Variants in STIM2 observed in about 807,000 individuals in gnomAD.
STIM2 encodes the protein stromal interaction molecule 2.
Under a neutral mutation model 85.8 loss-of-function variants are expected in STIM2, and 31 were observed. The ratio of observed to expected loss-of-function variants is 0.36; its 90% CI spans 0.27 to 0.49. The LOEUF (loss-of-function observed/expected upper bound fraction) is 0.49. Among genes scored for constraint, STIM2 ranks in the 20% least tolerant of loss-of-function variants. STIM2 has a pLI of 0.98. For missense variants in STIM2, 841 were observed against 927.6 expected, an observed-to-expected ratio of 0.91 and a Z score of 1.21; for synonymous variants, 356 against 331.1, an observed-to-expected ratio of 1.08 and a Z score of -0.82.
intron 1 of STIM2, among the ~76,000 whole-genome samples, chr4:26,880,600 C>CATATATATAAAAATATATATGTAAAT (rs1560192447): frequency 1.0e-5 from 1 of 95,706 alleles, no homozygotes; most frequent in Admixed American, 1.1e-4. Context: ...CATAAACCTT[C>CATATATATAAAAATATATATGTAAAT]ATATATATAA....
At chr4:26,959,427 T>G (rs543264705) in intron 3 of STIM2, among the ~76,000 whole-genome samples, 1 of 151,428 alleles carries the variant, frequency 6.6e-6, no homozygotes, top group Non-Finnish European at 1.5e-5. Context: ...CTTTTACTCA[T>G]TTTTTTTTCT....
At chr4:26,887,255 G>A (rs1449602182) in intron 1 of STIM2, among the ~76,000 whole-genome samples, 2 of 132,708 alleles carry the variant, frequency 1.5e-5, no homozygotes, top group Non-Finnish European at 3.2e-5. Flanking sequence ...ATTTATTTGA[G>A]CTTTTTTTCT....
At chr4:26,872,871 G>A (rs1360316830) in intron 1 of STIM2, among the ~76,000 whole-genome samples, 1 of 152,218 alleles carries the variant, frequency 6.6e-6, no homozygotes, top group Non-Finnish European at 1.5e-5. Flanking sequence ...CACATTTAAG[G>A]TGGCATCTTG....
At chr4:26,910,023 G>A (rs1724273532) in intron 1 of STIM2, among the ~76,000 whole-genome samples, 1 of 152,164 alleles carries the variant, frequency 6.6e-6, no homozygotes, top group Non-Finnish European at 1.5e-5. Context: ...ATATATGTGT[G>A]TACCCAAATC....
intron 1 of STIM2, among the ~76,000 whole-genome samples, chr4:26,912,084 A>G (rs960346360): frequency 6.6e-6 from 1 of 152,250 alleles, no homozygotes; most frequent in Admixed American, 6.5e-5. Flanking sequence ...CTCACGTTGA[A>G]TATTTGAAGT....
chr4:27,012,679 C>A (rs1256384098), intron 10 of STIM2, among the ~76,000 whole-genome samples: 2 of 151,882 alleles, frequency 1.3e-5, no homozygotes, highest in African/African-American at 2.4e-5. Context: ...CAAGCTAAGA[C>A]CTCCAGTAAA....
chr4:27,017,107 G>A (rs1728756802), intron 10 of STIM2, among the ~76,000 whole-genome samples: 1 of 152,184 alleles, frequency 6.6e-6, no homozygotes, highest in South Asian at 2.1e-4. Flanking sequence ...TGTAGGGGAA[G>A]TTTGTTTACC....
At chr4:26,893,535 T>A (rs1234122435) in intron 1 of STIM2, among the ~76,000 whole-genome samples, 1 of 152,252 alleles carries the variant, frequency 6.6e-6, no homozygotes, top group Admixed American at 6.5e-5. Context: ...TTGAATACAC[T>A]GTAGTTTATC....
intron 1 of STIM2, chr4:26,861,587 T>C: frequency 5.4e-6 from 3 of 557,908 alleles, no homozygotes; most frequent in Non-Finnish European, 7.8e-6. Flanking sequence ...TCGACGGCAC[T>C]GATTCCCCTC....
intron 3 of STIM2, among the ~76,000 whole-genome samples, chr4:26,980,321 A>G (rs1176574593): frequency 1.3e-5 from 2 of 152,214 alleles, no homozygotes; most frequent in Non-Finnish European, 2.9e-5. Context: ...TGCATATCAC[A>G]TCAAGTATAA....
At chr4:26,967,451 A>T (rs145566283) in intron 3 of STIM2, among the ~76,000 whole-genome samples, 4 of 152,342 alleles carry the variant, frequency 2.6e-5, no homozygotes, top group Admixed American at 2.0e-4. Context: ...GCACAGTGTC[A>T]TGAGCATCTA....
At chr4:26,979,097 G>A (rs4692018) in intron 3 of STIM2, among the ~76,000 whole-genome samples, 149,559 of 152,316 alleles carry the variant, frequency 0.98, 73,437 homozygotes, top group East Asian at 1. Flanking sequence ...ATGAGCTAAT[G>A]TAACTCTCAC....
At chr4:26,888,112 T>A (rs905368466) in intron 1 of STIM2, among the ~76,000 whole-genome samples, 6 of 152,234 alleles carry the variant, frequency 3.9e-5, no homozygotes, top group Admixed American at 2.6e-4. Context: ...CAAAATACCA[T>A]CACAGTAGCA....
intron 3 of STIM2, among the ~76,000 whole-genome samples, chr4:26,987,821 T>G: frequency 6.6e-6 from 1 of 152,244 alleles, no homozygotes; most frequent in South Asian, 2.1e-4. Flanking sequence ...ATGTTTAACT[T>G]TGGCATTACT....
rs1722146618 is a variant in STIM2, at chr4:26,860,953, A to G, written c.-266A>G. Reference sequence around the variant, plus strand: ...TTTTTTTTTTTTTTTAAATAACCGGAACCAATGAACGCAGCCGGGATCAGA... The same window carrying G: ...TTTTTTTTTTTTTTTAAATAACCGGGACCAATGAACGCAGCCGGGATCAGA... On this transcript the variant is annotated 5_prime_UTR_variant, in exon 1 of 12. Coordinates refer to ENST00000467087, the MANE Select transcript of STIM2 (RefSeq NM_020860.4). 1 of 1,225,182 alleles carries G rather than the reference A, an allele frequency of 8.2e-7. No homozygotes were observed. Among genetic ancestry groups the G allele is most frequent in the South Asian group, 1.5e-5 (1 of 65,772 alleles). 75.9% of individuals were successfully genotyped at this position (1,225,182 alleles called of 1,614,324 possible).
chr4:26,993,051 A>G (rs2109123569), intron 3 of STIM2, among the ~76,000 whole-genome samples: 1 of 152,180 alleles, frequency 6.6e-6, no homozygotes, highest in Admixed American at 6.6e-5. Context: ...TAGATCAGGA[A>G]TTTTCACTGT....
At chr4:26,861,521 C>T (rs902594651) in intron 1 of STIM2, 152 bp downstream of exon 1, 44 of 1,157,050 alleles carry the variant, frequency 3.8e-5, no homozygotes, top group Non-Finnish European at 4.3e-5. Flanking sequence ...GTCGCGGTCC[C>T]CTGCACTCCG....
chr4:26,952,678 A>T (rs1339283084), intron 2 of STIM2, among the ~76,000 whole-genome samples: 1 of 152,082 alleles, frequency 6.6e-6, no homozygotes, highest in Non-Finnish European at 1.5e-5. Context: ...ACACTGTGCT[A>T]TCTGTTTGAT....
At chr4:27,007,186 C>T (rs928715567) in intron 7 of STIM2, among the ~76,000 whole-genome samples, 63 of 151,864 alleles carry the variant, frequency 4.1e-4, no homozygotes, top group African/African-American at 1.4e-3. Flanking sequence ...ACTTTTTTTT[C>T]CCCCTCAGTG....
Sources: gnomAD v4.1 joint callset for allele counts (sites outside exome capture counted in the v4.1 genomes callset) on GRCh38, gnomAD v4.1.1 for gene constraint, MANE v1.5 for transcripts, NCBI Gene and HGNC (gene_info 2026-07-23, HGNC 2026-07-21) for gene names.